CDKAL1: variants seen among roughly 807,000 people sequenced by gnomAD.
CDKAL1 encodes threonylcarbamoyladenosine tRNA methylthiotransferase.
CDKAL1 carries 32 observed loss-of-function variants against 68.2 expected under a neutral mutation model. That is an observed-to-expected ratio of 0.47 (90% CI 0.35 to 0.63). CDKAL1 has a LOEUF of 0.63. CDKAL1 is among the 30% of genes least tolerant of loss of function. The probability of loss-of-function intolerance (pLI) is 0.00; values close to 1 mark genes in which losing one functional copy is unlikely to be tolerated. For synonymous variants in CDKAL1, 234 were observed against 244.3 expected (o/e 0.96, Z 0.39); for missense variants, 606 against 696.7 (o/e 0.87, Z 1.47).
At chr6:20,633,503 A>G (rs1048599529) in intron 4 of CDKAL1, among the ~76,000 whole-genome samples, 2 of 152,210 alleles carry the variant, frequency 1.3e-5, no homozygotes, top group African/African-American at 2.4e-5. Context: ...ACATTGATGT[A>G]CAAGTTTTTA....
At chr6:21,087,979 G>T (rs1256375690) in intron 12 of CDKAL1, among the ~76,000 whole-genome samples, 2 of 152,066 alleles carry the variant, frequency 1.3e-5, no homozygotes, top group Non-Finnish European at 2.9e-5. Context: ...AGGATGGGAC[G>T]GGACAGGGCC....
At chr6:20,848,279 G>GTTTTTTTTTTTTTTTTTTT (rs1554130310) in intron 9 of CDKAL1, among the ~76,000 whole-genome samples, 2 of 62,286 alleles carry the variant, frequency 3.2e-5, no homozygotes, top group Non-Finnish European at 4.8e-5. Flanking sequence ...CTGGAAAGTT[G>GTTTTTTTTTTTTTTTTTTT]TTTTTTTTTT....
intron 8 of CDKAL1, among the ~76,000 whole-genome samples, chr6:20,792,934 T>C (rs900293569): frequency 1.2e-4 from 18 of 152,212 alleles, no homozygotes; most frequent in African/African-American, 3.4e-4. Flanking sequence ...CTTAGAGTTG[T>C]GTACCTAGAA....
chr6:20,791,785 A>G (rs1775908113), intron 8 of CDKAL1, among the ~76,000 whole-genome samples: 1 of 152,172 alleles, frequency 6.6e-6, no homozygotes, highest in Non-Finnish European at 1.5e-5. Flanking sequence ...CTGCTAAATC[A>G]TATAGAGATG....
intron 9 of CDKAL1, among the ~76,000 whole-genome samples, chr6:20,907,892 A>G (rs542251709): frequency 3.9e-5 from 6 of 152,330 alleles, no homozygotes; most frequent in East Asian, 1.9e-4. Context: ...CTGTTGGTCA[A>G]TAGGGTCCAC....
intron 7 of CDKAL1, among the ~76,000 whole-genome samples, chr6:20,769,000 T>A (rs1774818836): frequency 6.6e-6 from 1 of 152,022 alleles, no homozygotes; most frequent in South Asian, 2.1e-4. Context: ...TAAGCCCCTG[T>A]TCTAGACAGG....
At position 20,797,760 on chromosome 6, in the gene CDKAL1, CTTTATTTTATTTTATTTTAT is replaced by C. The variant is rs140101518; in HGVS notation, c.638+16544_638+16563del. On this transcript the variant is annotated intron_variant, in intron 8 of 15. Coordinates refer to ENST00000274695, the MANE Select transcript of CDKAL1 (RefSeq NM_017774.3). ...AAAAGGCTGTATGTATGATTGATTG[CTTTATTTTATTTTATTTTAT>C]TTTATTTTATTTTATTTTATTTTAT... Among the ~76,000 whole-genome samples, 589 of 119,436 alleles carry C rather than the reference CTTTATTTTATTTTATTTTAT, an allele frequency of 4.9e-3. 5 individuals are homozygous for C. Among genetic ancestry groups the C allele is most frequent in the African/African-American group, 0.012 (362 of 29,662 alleles). 78.4% of individuals were successfully genotyped at this position (119,436 alleles called of 152,430 possible).
chr6:20,894,391 C>CA (rs753273644), intron 9 of CDKAL1, among the ~76,000 whole-genome samples: 3 of 124,092 alleles, frequency 2.4e-5, no homozygotes, highest in African/African-American at 3.0e-5. Context: ...ACCCCACATA[C>CA]TTTTTTTTTT....
intron 7 of CDKAL1, among the ~76,000 whole-genome samples, chr6:20,765,061 T>C (rs925153242): frequency 2.6e-5 from 4 of 152,160 alleles, no homozygotes; most frequent in African/African-American, 9.7e-5. Flanking sequence ...TTGTTTTAAG[T>C]TTATGAGTAT....
chr6:20,848,861 G>C (rs1249482235), intron 9 of CDKAL1, among the ~76,000 whole-genome samples: 1 of 151,146 alleles, frequency 6.6e-6, no homozygotes, highest in Non-Finnish European at 1.5e-5. Flanking sequence ...GGTACAGTCA[G>C]AGCTTACTGC....
At position 21,015,251 on chromosome 6, in the gene CDKAL1, G is replaced by A. The variant is rs569442017; in HGVS notation, c.1055+14879G>A. Reference sequence around the variant, plus strand: ...CTCTAATTTGTATGAGGTTACTTACGTGATCTGCTTTAGTCAATTTTGATC... The same window carrying A: ...CTCTAATTTGTATGAGGTTACTTACATGATCTGCTTTAGTCAATTTTGATC... On this transcript the variant is annotated intron_variant, in intron 11 of 15. Transcript: ENST00000274695. Among the ~76,000 whole-genome samples the A allele has an allele frequency of 5.3e-5, 8 of 152,258 alleles. No homozygotes were observed. The East Asian group carries it at 9.6e-4, about 18-fold the overall frequency.
chr6:20,619,161 A>G (rs1260050208), intron 4 of CDKAL1, among the ~76,000 whole-genome samples: 1 of 152,220 alleles, frequency 6.6e-6, no homozygotes. Flanking sequence ...TTGATAATTC[A>G]GATGTATCCT....
intron 4 of CDKAL1, among the ~76,000 whole-genome samples, chr6:20,590,627 G>T (rs139980465): frequency 0.094 from 14,298 of 152,058 alleles, 773 homozygotes; most frequent in African/African-American, 0.12. Context: ...CTGTTCGTGT[G>T]TTAGTTTGCT....
At chr6:21,199,990 A>G (rs1554195552) in intron 14 of CDKAL1, among the ~76,000 whole-genome samples, 5 of 152,330 alleles carry the variant, frequency 3.3e-5, no homozygotes, top group Non-Finnish European at 2.9e-5. Context: ...TTCTGTCTCT[A>G]TAACTAAGCA....
intron 9 of CDKAL1, among the ~76,000 whole-genome samples, chr6:20,936,282 G>A (rs1208032655): frequency 2.8e-5 from 3 of 107,888 alleles, no homozygotes; most frequent in South Asian, 6.4e-4. Flanking sequence ...ACGGAGTCTC[G>A]CTCTGTCGCC....
chr6:20,927,351 A>G (rs577782182), intron 9 of CDKAL1, among the ~76,000 whole-genome samples: 6 of 152,280 alleles, frequency 3.9e-5, no homozygotes, highest in Admixed American at 2.0e-4. Flanking sequence ...AATTCCACCA[A>G]TTCCCAGCAC....
At chr6:21,084,288 T>A (rs1772578340) in intron 12 of CDKAL1, among the ~76,000 whole-genome samples, 1 of 152,186 alleles carries the variant, frequency 6.6e-6, no homozygotes, top group African/African-American at 2.4e-5. Context: ...AATAAAATAT[T>A]TTGAATTGGA....
At chr6:20,712,488 T>A (rs1771891780) in intron 5 of CDKAL1, among the ~76,000 whole-genome samples, 1 of 147,386 alleles carries the variant, frequency 6.8e-6, no homozygotes, top group Non-Finnish European at 1.5e-5. Context: ...ACCTAATCAG[T>A]GTGCTTGATG....
At chr6:21,123,506 AC>A (rs1411850399) in intron 13 of CDKAL1, among the ~76,000 whole-genome samples, 4 of 152,182 alleles carry the variant, frequency 2.6e-5, no homozygotes, top group East Asian at 3.8e-4. Context: ...CTTTGAGTGT[AC>A]TACAAATTAA....
Sources: allele counts gnomAD v4.1 joint callset (sites outside exome capture counted in the v4.1 genomes callset), GRCh38; gene constraint gnomAD v4.1.1; transcripts MANE v1.5; gene names NCBI Gene and HGNC (gene_info 2026-07-23, HGNC 2026-07-21).